Variants in EGFLAM observed in about 807,000 individuals in gnomAD.
The protein encoded by EGFLAM is EGF like, fibronectin type III and laminin G domains.
In EGFLAM, 79 loss-of-function variants were observed where a neutral mutation model predicts 113.1. That is an observed-to-expected ratio of 0.70 (90% confidence interval 0.58 to 0.84). The LOEUF (loss-of-function observed/expected upper bound fraction) is 0.84. EGFLAM is among the 40% of genes least tolerant of loss of function. EGFLAM has a pLI of 0.00. For missense variants in EGFLAM, 1,265 were observed against 1,291.6 expected, an observed-to-expected ratio of 0.98 and a Z score of 0.32; for synonymous variants, 504 against 487.6, an observed-to-expected ratio of 1.03 and a Z score of -0.44.
chr5:38,344,876 AC>A (rs1243604293), intron 3 of EGFLAM, among the ~76,000 whole-genome samples: 1 of 152,104 alleles, frequency 6.6e-6, no homozygotes, highest in African/African-American at 2.4e-5. Flanking sequence ...CTCACTCACA[AC>A]CTATTGGACA....
intron 1 of EGFLAM, among the ~76,000 whole-genome samples, chr5:38,267,093 G>A (rs938200759): frequency 6.6e-6 from 1 of 152,122 alleles, no homozygotes; most frequent in African/African-American, 2.4e-5. Flanking sequence ...CAACCACACC[G>A]AGCAAGGATA....
chr5:38,425,143 T>C (rs1561084800), intron 13 of EGFLAM, 51 bp downstream of exon 13: 5 of 1,587,212 alleles, frequency 3.2e-6, no homozygotes, highest in Non-Finnish European at 4.3e-6. Flanking sequence ...TTAATTTGTG[T>C]AGATGTACTT....
chr5:38,424,036 G>A (rs1741920392), intron 12 of EGFLAM, among the ~76,000 whole-genome samples: 1 of 152,118 alleles, frequency 6.6e-6, no homozygotes, highest in African/African-American at 2.4e-5. Context: ...AGCACAGCTG[G>A]ACCCTTCACT....
chr5:38,419,597 G>GT (rs1343521953), intron 12 of EGFLAM, among the ~76,000 whole-genome samples: 2 of 152,126 alleles, frequency 1.3e-5, no homozygotes, highest in Non-Finnish European at 2.9e-5. Flanking sequence ...TCCTAGAACA[G>GT]TTTTTTGTTT....
Position 38,442,329 on chromosome 5 carries a change from T to C in EGFLAM, c.2464+3874T>C, listed in dbSNP as rs191779417. Reference sequence around the variant, plus strand: ...ACTAAATTTTTATATTTAATATCAATATATTATTTGATTTAAAATATTAAA... The same window carrying C: ...ACTAAATTTTTATATTTAATATCAACATATTATTTGATTTAAAATATTAAA... On this transcript the variant is annotated intron_variant, in intron 17 of 21. Coordinates refer to ENST00000322350, the MANE Select transcript of EGFLAM (RefSeq NM_152403.4). Among the ~76,000 whole-genome samples, 870 of 147,946 alleles carry C rather than the reference T, an allele frequency of 5.9e-3. 5 individuals carry two copies. Among genetic ancestry groups the C allele is most frequent in the African/African-American group, 0.02 (807 of 40,932 alleles).
rs142604037 is a variant in EGFLAM at position 38,378,244 on chromosome 5, C to T, written c.712+7782C>T. 3.9e-3 allele frequency among the ~76,000 whole-genome samples: 588 copies of T among 152,164 alleles called. 3 individuals are homozygous for T. The highest frequency in any genetic ancestry group is 0.014 in the African/African-American group (572 of 41,490). On this transcript the variant is annotated intron_variant, in intron 6 of 21. Coordinates refer to ENST00000322350, the MANE Select transcript of EGFLAM (RefSeq NM_152403.4). Reference sequence around the variant, plus strand: ...CTTCCTGCTTGCTTAGTACAGCTGTCGTTGGTTGTGTAAACCTGTTGTCCC... The same window carrying T: ...CTTCCTGCTTGCTTAGTACAGCTGTTGTTGGTTGTGTAAACCTGTTGTCCC...
chr5:38,457,907 C>T (rs1417997206), intron 19 of EGFLAM, among the ~76,000 whole-genome samples: 1 of 151,520 alleles, frequency 6.6e-6, no homozygotes, highest in African/African-American at 2.4e-5. Flanking sequence ...GAATCAAATC[C>T]ACAGAGTCAG....
intron 3 of EGFLAM, among the ~76,000 whole-genome samples, chr5:38,342,586 A>G (rs1739363763): frequency 6.6e-6 from 1 of 152,162 alleles, no homozygotes; most frequent in Non-Finnish European, 1.5e-5. Flanking sequence ...GTAGCTTTCA[A>G]TTTGGCAGCA....
intron 1 of EGFLAM, among the ~76,000 whole-genome samples, chr5:38,326,824 A>C (rs1738898286): frequency 8.2e-6 from 1 of 121,580 alleles, no homozygotes; most frequent in South Asian, 2.6e-4. Flanking sequence ...TTTGAGACAG[A>C]GTTTTGCTCT....
At chr5:38,399,956 A>T (rs139566271) in intron 6 of EGFLAM, 1 of 152,316 alleles carries the variant, frequency 6.6e-6, no homozygotes, top group Admixed American at 6.5e-5. Flanking sequence ...AAAATTCTCC[A>T]GTTGTTTCTT....
chr5:38,311,581 G>A (rs769223907), intron 1 of EGFLAM, among the ~76,000 whole-genome samples: 19 of 152,088 alleles, frequency 1.2e-4, no homozygotes, highest in African/African-American at 3.6e-4. Context: ...TTCTTTGTTC[G>A]TCCATTGATG....
chr5:38,383,424 T>TAA lies in EGFLAM; in HGVS notation c.712+12962_712+12963insAA, dbSNP rs1278617417. ...ACAAATTTGTCAGGCCTTTTTTTTT[T>TAA]TTTTTAACATTACCCCTGAAAACTG... On this transcript the variant is annotated intron_variant, in intron 6 of 21. Coordinates refer to ENST00000322350, the MANE Select transcript of EGFLAM (RefSeq NM_152403.4). Among the ~76,000 whole-genome samples, 314 of 152,150 alleles carry TAA rather than the reference T, an allele frequency of 2.1e-3. 2 individuals carry two copies. Among genetic ancestry groups the TAA allele is most frequent in the African/African-American group, 7.0e-3 (290 of 41,486 alleles).
chr5:38,397,285 G>C (rs891390823), intron 6 of EGFLAM, among the ~76,000 whole-genome samples: 2 of 152,126 alleles, frequency 1.3e-5, no homozygotes, highest in Non-Finnish European at 2.9e-5. Flanking sequence ...TTATTTGGGG[G>C]AAAGGGAGAG....
At chr5:38,400,249 C>A (rs1741071732) in intron 6 of EGFLAM, among the ~76,000 whole-genome samples, 1 of 152,118 alleles carries the variant, frequency 6.6e-6, no homozygotes, top group African/African-American at 2.4e-5. Flanking sequence ...TTATAGAAAA[C>A]CTGTGATGCC....
chr5:38,364,756 T>C (rs920527430), intron 5 of EGFLAM, among the ~76,000 whole-genome samples: 1 of 152,174 alleles, frequency 6.6e-6, no homozygotes, highest in Non-Finnish European at 1.5e-5. Context: ...TGGAAGGTGA[T>C]CTAATCAGTG....
At chr5:38,455,703 C>A (rs905464216) in intron 19 of EGFLAM, among the ~76,000 whole-genome samples, 2 of 152,126 alleles carry the variant, frequency 1.3e-5, no homozygotes, top group Admixed American at 6.5e-5. Flanking sequence ...CATGGAGAAG[C>A]CAACTGAGTT....
In EGFLAM at chr5:38,330,635, A is replaced by G. The variant is rs376063103; in HGVS notation, c.98-6885A>G. Among the ~76,000 whole-genome samples, 3 of 152,356 alleles carry G rather than the reference A, an allele frequency of 2.0e-5. No homozygotes were observed. The East Asian group carries it at 5.8e-4, about 29-fold the overall frequency. On this transcript the variant is annotated intron_variant, in intron 1 of 21. Coordinates refer to ENST00000322350, the MANE Select transcript of EGFLAM (RefSeq NM_152403.4). ...GAACCACTGCAGATACACAAGGGAT[A>G]CAAGAACTGGTTCCCCTGTTAGTGA...
At chr5:38,448,063 G>A (rs1021171004) in intron 17 of EGFLAM, among the ~76,000 whole-genome samples, 3 of 152,180 alleles carry the variant, frequency 2.0e-5, no homozygotes, top group Non-Finnish European at 4.4e-5. Flanking sequence ...CAGCAGCGCT[G>A]AGGCCAGAGG....
intron 5 of EGFLAM, among the ~76,000 whole-genome samples, chr5:38,355,990 C>T (rs1739752345): frequency 6.6e-6 from 1 of 152,062 alleles, no homozygotes; most frequent in Non-Finnish European, 1.5e-5. Flanking sequence ...AAACTCCTGA[C>T]CTCAAGTGAT....
Sources: gnomAD v4.1 joint callset for allele counts (sites outside exome capture counted in the v4.1 genomes callset) on GRCh38, gnomAD v4.1.1 for gene constraint, MANE v1.5 for transcripts, NCBI Gene and HGNC (gene_info 2026-07-23, HGNC 2026-07-21) for gene names.